The following CCDC149 variants were observed in gnomAD, a reference collection of about 807,000 sequenced individuals.
CCDC149 encodes coiled-coil domain containing 149.
In CCDC149, 45 loss-of-function variants were observed where a neutral mutation model predicts 59.9. The ratio of observed to expected loss-of-function variants is 0.75; its 90% CI spans 0.59 to 0.96. The LOEUF is 0.96. Ranked by LOEUF, CCDC149 falls within the 40% of genes least tolerant of loss-of-function variation. The pLI, the probability that CCDC149 is intolerant of heterozygous loss-of-function variation, is 0.00. For missense variants in CCDC149, 584 were observed against 664.7 expected (o/e 0.88, Z 1.33); for synonymous variants, 245 against 260.6 (o/e 0.94, Z 0.58).
At chr4:24,814,690 C>G (rs1408079776) in intron 12 of CCDC149, among the ~76,000 whole-genome samples, 1 of 152,240 alleles carries the variant, frequency 6.6e-6, no homozygotes, top group East Asian at 1.9e-4. Context: ...CTCACCATGT[C>G]TTTCCCCAGC....
At chr4:24,978,259 C>T (rs1355346355) in intron 1 of CCDC149, among the ~76,000 whole-genome samples, 1 of 152,210 alleles carries the variant, frequency 6.6e-6, no homozygotes, top group Non-Finnish European at 1.5e-5. Context: ...GTAAAACACA[C>T]ATCAGCTTTC....
intron 12 of CCDC149, among the ~76,000 whole-genome samples, chr4:24,816,329 C>T (rs914791585): frequency 2.6e-5 from 4 of 152,042 alleles, no homozygotes; most frequent in South Asian, 2.1e-4. Context: ...TGGCCTCAAG[C>T]GATCCTCTCA....
At chr4:24,813,489 AAT>A (rs57650226) in intron 12 of CCDC149, among the ~76,000 whole-genome samples, 80 of 113,716 alleles carry the variant, frequency 7.0e-4, no homozygotes, top group East Asian at 3.1e-3. Context: ...CAGCTTGGGG[AAT>A]ATATATATAT....
chr4:24,947,774 A>T (rs776086236), intron 1 of CCDC149, among the ~76,000 whole-genome samples: 8 of 152,224 alleles, frequency 5.3e-5, no homozygotes, highest in Non-Finnish European at 1.2e-4. Context: ...ATTACCTTCC[A>T]AGATTCAATC....
rs1203791713 is a variant in CCDC149 at position 24,837,473 on chromosome 4, C to T, written c.490-73G>A. 1 of 1,475,556 alleles carries T rather than the reference C, an allele frequency of 6.8e-7. No individual in the cohort carries two copies. The highest frequency in any genetic ancestry group is 1.4e-5 in the African/African-American group (1 of 71,432). The allele number at this position is 1,475,556 out of a possible 1,614,324, so 91.4% of individuals were successfully genotyped here. On this transcript the variant is annotated intron_variant, in intron 5 of 12. Coordinates refer to ENST00000635206, the MANE Select transcript of CCDC149 (RefSeq NM_001330643.2). The surrounding 1 kb of genome is among the most constrained non-coding windows in gnomAD (Gnocchi z 4.3). ...GCTTTATGGCCAGAGATGGAGCCTC[C>T]CACTTGGTTGACTGATTTTTAGAGA...
intron 4 of CCDC149, among the ~76,000 whole-genome samples, chr4:24,841,568 T>C (rs1212497571): frequency 6.6e-6 from 1 of 152,200 alleles, no homozygotes. Context: ...ATTAGTTGTG[T>C]CTGAAGCTTA....
chr4:24,903,024 C>CAAATA (rs1721264219), intron 1 of CCDC149, among the ~76,000 whole-genome samples: 1 of 52,508 alleles, frequency 1.9e-5, no homozygotes, highest in Non-Finnish European at 3.3e-5. Context: ...GAGTCTAACT[C>CAAATA]AAAAAAAAAA....
At chr4:24,960,881 C>G (rs778023190) in intron 1 of CCDC149, among the ~76,000 whole-genome samples, 1 of 152,102 alleles carries the variant, frequency 6.6e-6, no homozygotes, top group Non-Finnish European at 1.5e-5. Flanking sequence ...TAGGTTTGAA[C>G]AGCAGTAAAA....
downstream of CCDC149, among the ~76,000 whole-genome samples, chr4:24,804,355 G>T (rs1319341639): frequency 6.6e-6 from 1 of 151,964 alleles, no homozygotes; most frequent in Admixed American, 6.6e-5. Context: ...GCCAGGCATG[G>T]TGGTGCATGC....
chr4:24,959,643 A>C (rs1723579431), intron 1 of CCDC149, among the ~76,000 whole-genome samples: 1 of 152,234 alleles, frequency 6.6e-6, no homozygotes, highest in African/African-American at 2.4e-5. Context: ...AGAAAATCCT[A>C]AAAGCAGCCA....
chr4:24,910,734 A>G (rs991369740), intron 1 of CCDC149, among the ~76,000 whole-genome samples: 9 of 152,202 alleles, frequency 5.9e-5, no homozygotes, highest in African/African-American at 2.2e-4. Context: ...GCAATGAGTC[A>G]GACAGACCAG....
intron 1 of CCDC149, among the ~76,000 whole-genome samples, chr4:24,926,455 T>C (rs1577488690): frequency 6.6e-6 from 1 of 152,212 alleles, no homozygotes; most frequent in Admixed American, 6.5e-5. Flanking sequence ...AACATTCCCC[T>C]TGAGGCCCTT....
At chr4:24,957,153 A>T (rs1261153551) in intron 1 of CCDC149, among the ~76,000 whole-genome samples, 1 of 152,248 alleles carries the variant, frequency 6.6e-6, no homozygotes, top group African/African-American at 2.4e-5. Context: ...CTATCTGACC[A>T]TGAAGTATCA....
intron 1 of CCDC149, among the ~76,000 whole-genome samples, chr4:24,973,447 C>T (rs770437645): frequency 6.6e-6 from 1 of 152,126 alleles, no homozygotes; most frequent in Non-Finnish European, 1.5e-5. Context: ...TACTGTATAT[C>T]AACTGTACCT....
At chr4:24,918,184 G>C (rs1722188106) in intron 1 of CCDC149, among the ~76,000 whole-genome samples, 1 of 152,086 alleles carries the variant, frequency 6.6e-6, no homozygotes, top group Non-Finnish European at 1.5e-5. Context: ...GAATAAACAT[G>C]ATCAAGGACC....
At chr4:24,921,213 G>A (rs1722283341) in intron 1 of CCDC149, among the ~76,000 whole-genome samples, 1 of 152,152 alleles carries the variant, frequency 6.6e-6, no homozygotes, top group Non-Finnish European at 1.5e-5. Flanking sequence ...TTTCTAAGCA[G>A]GTGACATGTC....
intron 3 of CCDC149, among the ~76,000 whole-genome samples, chr4:24,860,837 T>C (rs979708310): frequency 3.3e-5 from 5 of 151,904 alleles, no homozygotes; most frequent in Admixed American, 2.6e-4. Flanking sequence ...CCGACAAACA[T>C]ATGAAAAAAT....
intron 4 of CCDC149, among the ~76,000 whole-genome samples, chr4:24,848,979 G>A (rs1226560687): frequency 6.6e-6 from 1 of 152,286 alleles, no homozygotes; most frequent in East Asian, 1.9e-4. Flanking sequence ...GGGGTCTTGG[G>A]AAGTATCCCC....
intron 3 of CCDC149, among the ~76,000 whole-genome samples, chr4:24,866,789 CAA>C (rs11382183): frequency 6.2e-5 from 8 of 129,682 alleles, no homozygotes; most frequent in Non-Finnish European, 6.3e-5. Flanking sequence ...ACCCAAAAAG[CAA>C]AAAAAAAAAA....
Sources: gnomAD v4.1 joint callset for allele counts (sites outside exome capture counted in the v4.1 genomes callset) on GRCh38, gnomAD v4.1.1 for gene constraint, Gnocchi (gnomAD v3.1) non-coding constraint, MANE v1.5 for transcripts, NCBI Gene and HGNC (gene_info 2026-07-23, HGNC 2026-07-21) for gene names.